The following IFI44L variants were observed in gnomAD, a reference collection of about 807,000 sequenced individuals.
The protein encoded by IFI44L is interferon-induced protein 44-like.
A neutral mutation model predicts 39.3 loss-of-function variants in IFI44L; 40 were observed. That is an observed-to-expected ratio of 1.02 (90% CI 0.79 to 1.33). IFI44L has a LOEUF of 1.33. IFI44L is among the 40% of genes most tolerant of loss of function. The probability of loss-of-function intolerance (pLI) is 0.00; values close to 1 mark genes in which losing one functional copy is unlikely to be tolerated. For synonymous variants in IFI44L, 198 were observed against 182.3 expected, an observed-to-expected ratio of 1.09 and a Z score of -0.69; for missense variants, 623 against 549.0, an observed-to-expected ratio of 1.13 and a Z score of -1.35.
In IFI44L at chr1:78,645,146, CAG is replaced by C. The variant is rs1557693810; in HGVS notation, c.*3342_*3343del. 1 of 152,200 alleles carries C rather than the reference CAG, an allele frequency of 6.6e-6. No individual in the cohort carries two copies. Among genetic ancestry groups the C allele is most frequent in the East Asian group, 1.9e-4 (1 of 5,204 alleles). 9.4% of individuals were successfully genotyped at this position (152,200 alleles called of 1,614,324 possible). On this transcript the variant is annotated 3_prime_UTR_variant, in exon 9 of 9. Coordinates refer to ENST00000370751, the MANE Select transcript of IFI44L (RefSeq NM_006820.4). ...ATCTTCATTTTCCTGGAATTTGATA[CAG>C]AGAGCAATTTATAGCCAATTGATAG... is the stretch of plus-strand genomic sequence containing the variant.
At chr1:78,621,952 C>T (rs1009538110) in intron 1 of IFI44L, among the ~76,000 whole-genome samples, 1 of 152,034 alleles carries the variant, frequency 6.6e-6, no homozygotes, top group African/African-American at 2.4e-5. Context: ...AGTCTTCTAG[C>T]TACTTTGAAA....
At chr1:78,640,411 T>C (rs1028209799) in intron 6 of IFI44L, among the ~76,000 whole-genome samples, 1 of 152,066 alleles carries the variant, frequency 6.6e-6, no homozygotes, top group African/African-American at 2.4e-5. Flanking sequence ...CATTTAGTAA[T>C]GGAAAAAATA....
intron 1 of IFI44L, among the ~76,000 whole-genome samples, chr1:78,624,312 A>T (rs747460475): frequency 6.6e-6 from 1 of 152,132 alleles, no homozygotes; most frequent in Admixed American, 6.6e-5. Context: ...TATTTTTAAA[A>T]TTCCCTTTTG....
chr1:78,623,408 T>A, intron 1 of IFI44L, among the ~76,000 whole-genome samples: 1 of 146,152 alleles, frequency 6.8e-6, no homozygotes, highest in East Asian at 2.1e-4. Flanking sequence ...TTTTTTTTTT[T>A]TTTTTTTTTT....
chr1:78,634,875 A>G (rs1570362060), intron 4 of IFI44L, among the ~76,000 whole-genome samples: 2 of 151,846 alleles, frequency 1.3e-5, no homozygotes, highest in South Asian at 2.1e-4. Flanking sequence ...TATTAACTTA[A>G]AATAACCAGT....
Position 78,644,748 on chromosome 1 carries a change from G to A in IFI44L, c.*2939G>A, listed in dbSNP as rs1180209778. 1 of 152,218 alleles carries A rather than the reference G, an allele frequency of 6.6e-6. No individual in the cohort carries two copies. Among genetic ancestry groups the A allele is most frequent in the Non-Finnish European group, 1.5e-5 (1 of 68,048 alleles). 9.4% of individuals were successfully genotyped at this position (152,218 alleles called of 1,614,324 possible). A position where few individuals can be genotyped will look rare whatever the true frequency, so the allele number is the denominator to read the frequency against. On this transcript the variant is annotated 3_prime_UTR_variant, in exon 9 of 9. Coordinates refer to ENST00000370751, the MANE Select transcript of IFI44L (RefSeq NM_006820.4). The stretch of plus-strand genomic sequence containing the variant: ...CTTCTTAGAAAAATAGTGCTAAGGA[G>A]TATAGCAGATGACCTATATGTGTGT...
At position 78,628,325 on chromosome 1, in the gene IFI44L, C is replaced by T; in HGVS notation, c.410C>T (p.Thr137Ile). 5 of 1,600,428 alleles carry T rather than the reference C, an allele frequency of 3.1e-6. No homozygotes were observed. The highest frequency in any genetic ancestry group is 3.4e-6 in the Non-Finnish European group (4 of 1,174,468). Reference sequence around the variant, plus strand: ...AAAATTTATCTAGATAAAATGATAACAAGAAACTTGAAACTAAGGTTTTAT... The same window carrying T: ...AAAATTTATCTAGATAAAATGATAATAAGAAACTTGAAACTAAGGTTTTAT... ...DNKIYLDKMI[T>I]RNLKLRFYGH... Residue 137 changes from threonine (T) to isoleucine (I), a missense_variant, in exon 2 of 9, where the codon ACA becomes ATA. Coordinates refer to ENST00000370751, the MANE Select transcript of IFI44L (RefSeq NM_006820.4).
At chr1:78,639,509 G>A (rs796815211) in intron 6 of IFI44L, among the ~76,000 whole-genome samples, 3 of 152,136 alleles carry the variant, frequency 2.0e-5, no homozygotes, top group African/African-American at 7.2e-5. Flanking sequence ...GTATTTTCCA[G>A]TTGTGAGTGT....
At position 78,646,074 on chromosome 1, in the gene IFI44L, T is replaced by G. The variant is rs937308860; in HGVS notation, c.*4265T>G. 7 of 152,218 alleles carry G rather than the reference T, an allele frequency of 4.6e-5. No individual in the cohort carries two copies. Among genetic ancestry groups the G allele is most frequent in the African/African-American group, 1.7e-4 (7 of 41,458 alleles). 9.4% of individuals were successfully genotyped at this position (152,218 alleles called of 1,614,324 possible). On this transcript the variant is annotated 3_prime_UTR_variant, in exon 9 of 9. Coordinates refer to ENST00000370751, the MANE Select transcript of IFI44L (RefSeq NM_006820.4). ...AATATATTTTTTCATTTTTAAAAAT[T>G]GATTTCTTTTGCACATTCCATGACA... is the stretch of plus-strand genomic sequence containing the variant.
At chr1:78,630,001 T>C in intron 4 of IFI44L, 86 bp downstream of exon 4, 1 of 1,181,440 alleles carries the variant, frequency 8.5e-7, no homozygotes, top group Non-Finnish European at 1.2e-6. Context: ...AGGGCAATCC[T>C]AATATACAAT....
chr1:78,627,854 A>G (rs968018047), intron 1 of IFI44L, 52 bp from the exon 2 acceptor site: 3 of 1,029,084 alleles, frequency 2.9e-6, no homozygotes, highest in East Asian at 5.6e-5. Flanking sequence ...AACCTAAGCT[A>G]TAAGCTACTA....
chr1:78,639,561 C>A (rs1653080369), intron 6 of IFI44L, among the ~76,000 whole-genome samples: 1 of 151,724 alleles, frequency 6.6e-6, no homozygotes, highest in African/African-American at 2.4e-5. Flanking sequence ...AAAAGAAAAC[C>A]TAGAGAGCTC....
chr1:78,627,969 G>T lies in IFI44L; in HGVS notation c.54G>T (p.Leu18=), dbSNP rs1652556950. 1.9e-6 allele frequency: 3 copies of T among 1,611,274 alleles called. No individual in the cohort carries two copies. The highest frequency in any genetic ancestry group is 2.5e-6 in the Non-Finnish European group (3 of 1,178,960). Residue 18 remains leucine (L), a synonymous_variant, in exon 2 of 9, where the codon CTG becomes CTT. Transcript: ENST00000370751. The part of the protein sequence containing the change: ...TWNDENHLRK[L]LGNVSLSLLY... ...ATGATGAAAATCATCTGCGCAAGCT[G>T]CTTGGAAATGTTTCTTTGAGTCTTC...
intron 4 of IFI44L, among the ~76,000 whole-genome samples, chr1:78,634,443 G>T (rs1044218281): frequency 6.6e-6 from 1 of 151,988 alleles, no homozygotes; most frequent in African/African-American, 2.4e-5. Context: ...AAAAAACAAA[G>T]AAACAAACAA....
intron 1 of IFI44L, among the ~76,000 whole-genome samples, chr1:78,623,419 T>G (rs898576740): frequency 3.4e-5 from 4 of 116,918 alleles, no homozygotes; most frequent in Non-Finnish European, 5.9e-5. Flanking sequence ...TTTTTTTTTT[T>G]TTTTTTTAAA....
rs146674232 is a variant in IFI44L at position 78,621,341 on chromosome 1, G to A, written c.-11+770G>A. Among the ~76,000 whole-genome samples, 96 of 152,084 alleles carry A rather than the reference G, an allele frequency of 6.3e-4. No individual in the cohort carries two copies. The Middle Eastern group carries it at 0.014, about 22-fold the overall frequency. On this transcript the variant is annotated intron_variant, in intron 1 of 8. Coordinates refer to ENST00000370751, the MANE Select transcript of IFI44L (RefSeq NM_006820.4). ...GGCTGGAGAGCAGTGTCTCGATGTC[G>A]GCTCACTGCAACCTCAGCCTCCTGG...
intron 4 of IFI44L, among the ~76,000 whole-genome samples, chr1:78,634,910 G>A (rs1049466890): frequency 1.3e-4 from 19 of 150,396 alleles, no homozygotes; most frequent in Admixed American, 8.0e-4. Context: ...TTTTTTGTAA[G>A]CATCATGGTT....
chr1:78,641,799 C>A lies in IFI44L; in HGVS notation c.1349C>A (p.Pro450His), dbSNP rs748932214. The A allele has an allele frequency of 2.5e-6, 4 of 1,613,506 alleles. No individual in the cohort carries two copies. The highest frequency in any genetic ancestry group is 3.4e-6 in the Non-Finnish European group (4 of 1,179,648). The change falls in exon 9 of 9, where the codon CCC becomes CAC. Residue 450 changes from proline (P) to histidine (H), a missense_variant. Physicochemically the swap from Pro to His is moderately conservative, Grantham distance 77. Transcript: ENST00000370751. Reference sequence around the variant, plus strand: ...GGTGCAATTGAGAGAGCGTTACAGCCCTGCATTTGAGATAAGTTGCCTTGA... The same window carrying A: ...GGTGCAATTGAGAGAGCGTTACAGCACTGCATTTGAGATAAGTTGCCTTGA... ...ETGAIERALQ[P>H]CI
intron 5 of IFI44L, 59 bp from the exon 6 acceptor site, chr1:78,636,973 T>C: frequency 7.5e-7 from 1 of 1,324,830 alleles, no homozygotes; most frequent in Non-Finnish European, 1.1e-6. Flanking sequence ...TAATTGTGTC[T>C]TTAAGGGTTA....
Sources: allele counts gnomAD v4.1 joint callset (sites outside exome capture counted in the v4.1 genomes callset), GRCh38; gene constraint gnomAD v4.1.1; transcripts MANE v1.5; gene names NCBI Gene and HGNC (gene_info 2026-07-23, HGNC 2026-07-21).